The following CNNM4 variants were observed in gnomAD, a reference collection of about 807,000 sequenced individuals.
CNNM4 encodes the protein metal transporter CNNM4.
In CNNM4, 32 loss-of-function variants were observed where a neutral mutation model predicts 53.7. The ratio of observed to expected loss-of-function variants is 0.60; its 90% confidence interval spans 0.45 to 0.80. CNNM4 has a LOEUF of 0.80. Among genes scored for constraint, CNNM4 ranks in the 30% least tolerant of loss-of-function variants. The pLI is 0.00. For missense variants in CNNM4, 784 were observed against 1,022.0 expected (o/e 0.77, Z 3.17); for synonymous variants, 410 against 440.0 (o/e 0.93, Z 0.85).
intron 6 of CNNM4, 188 bp from the exon 7 acceptor site, chr2:96,809,132 G>C (rs1008424784): frequency 4.1e-5 from 54 of 1,321,120 alleles, no homozygotes; most frequent in African/African-American, 5.8e-5. Flanking sequence ...GTGAGCCACT[G>C]TGCCCAGCCC....
intron 1 of CNNM4, among the ~76,000 whole-genome samples, chr2:96,794,143 C>G (rs1223828994): frequency 6.6e-6 from 1 of 152,132 alleles, no homozygotes; most frequent in Non-Finnish European, 1.5e-5. Flanking sequence ...TGTCAAAGAA[C>G]ACACCCCCAT....
Position 96,761,254 on chromosome 2 carries a change from C to T in CNNM4, c.255C>T (p.Asn85=). The T allele has an allele frequency of 3.1e-6, 5 of 1,614,160 alleles. No individual in the cohort carries two copies. Among genetic ancestry groups the T allele is most frequent in the Non-Finnish European group, 4.2e-6 (5 of 1,180,030 alleles). The change falls in exon 1 of 7, where the codon AAC becomes AAT. Residue 85 remains asparagine (N), a synonymous_variant. Transcript: ENST00000377075. The surrounding 1 kb of genome is among the most constrained non-coding windows in gnomAD (Gnocchi z 6.0). ...GGCTGTACGGCTACAGCCTGGGCAA[C>T]ATCTCCAGCAACCTGATCTCCTTCA... ...NLRLYGYSLG[N]ISSNLISFTE... is the part of the protein sequence containing the mutation.
intron 1 of CNNM4, among the ~76,000 whole-genome samples, chr2:96,785,840 G>A (rs1273922973): frequency 6.6e-6 from 1 of 150,990 alleles, no homozygotes. Flanking sequence ...AGTGGCTCAC[G>A]CACTTTGGGA....
At chr2:96,795,008 TC>T (rs1433055134) in intron 1 of CNNM4, among the ~76,000 whole-genome samples, 1 of 152,252 alleles carries the variant, frequency 6.6e-6, no homozygotes, top group African/African-American at 2.4e-5. Flanking sequence ...ATTTTGTAGT[TC>T]AGATTTTCAG....
At chr2:96,792,211 A>C (rs559466246) in intron 1 of CNNM4, among the ~76,000 whole-genome samples, 1 of 147,680 alleles carries the variant, frequency 6.8e-6, no homozygotes, top group African/African-American at 2.5e-5. Flanking sequence ...ACGCCACTGC[A>C]CTCCAGCCTG....
chr2:96,776,524 T>C (rs2078925919), intron 1 of CNNM4, among the ~76,000 whole-genome samples: 1 of 152,210 alleles, frequency 6.6e-6, no homozygotes, highest in South Asian at 2.1e-4. Flanking sequence ...AATTGACTAA[T>C]GTTAACCATT....
chr2:96,776,655 C>G (rs927485090), intron 1 of CNNM4, among the ~76,000 whole-genome samples: 6 of 152,138 alleles, frequency 3.9e-5, no homozygotes, highest in Non-Finnish European at 5.9e-5. Flanking sequence ...GCTCTCTCGC[C>G]CAGCCTGGAG....
At chr2:96,766,082 CCTTTTTTTTTTTCTTTT>C (rs2078816444) in intron 1 of CNNM4, among the ~76,000 whole-genome samples, 1 of 143,450 alleles carries the variant, frequency 7.0e-6, no homozygotes, top group Non-Finnish European at 1.5e-5. Context: ...CCACACCTGG[CCTTTTTTTTTTTCTTTT>C]CTTTTTTTTT....
chr2:96,805,467 A>G (rs1291013404), intron 5 of CNNM4, among the ~76,000 whole-genome samples: 1 of 24,194 alleles, frequency 4.1e-5, no homozygotes, highest in Middle Eastern at 0.024. Context: ...TTATTTTTTT[A>G]TTGATAATTC....
chr2:96,807,987 C>G (rs1170408586), intron 5 of CNNM4, among the ~76,000 whole-genome samples: 1 of 152,044 alleles, frequency 6.6e-6, no homozygotes, highest in Non-Finnish European at 1.5e-5. Context: ...CTCCCAGGTT[C>G]AAGCGATTCT....
chr2:96,775,849 C>T (rs2078919493), intron 1 of CNNM4, among the ~76,000 whole-genome samples: 1 of 152,274 alleles, frequency 6.6e-6, no homozygotes, highest in Non-Finnish European at 1.5e-5. Context: ...CCTCAGCCTC[C>T]CAAGTAGCTG....
At position 96,808,526 on chromosome 2, in the gene CNNM4, G is replaced by A; in HGVS notation, c.1949-35G>A. On this transcript the variant is annotated intron_variant, in intron 5 of 6. Coordinates refer to ENST00000377075, the MANE Select transcript of CNNM4 (RefSeq NM_020184.4). This position sits in a 1 kb window ranked among gnomAD's most constrained non-coding sequence, Gnocchi z 4.9. ...TGAGGGTGAGAGTGGGCATCGGAGT[G>A]GCCTTTGGCATGACAACCTCTGCTC... 5.0e-6 allele frequency: 8 copies of A among 1,612,266 alleles called. No homozygotes were observed. The highest frequency in any genetic ancestry group is 6.8e-6 in the Non-Finnish European group (8 of 1,178,592).
At position 96,811,375 on chromosome 2, in the gene CNNM4, T is replaced by C. The variant is rs1451704401; in HGVS notation, c.*1858T>C. On this transcript the variant is annotated 3_prime_UTR_variant, in exon 7 of 7. Coordinates refer to ENST00000377075, the MANE Select transcript of CNNM4 (RefSeq NM_020184.4). The stretch of plus-strand genomic sequence containing the variant: ...TGACTGCCAGGTAGAGCAAAAGACA[T>C]TGGTGGGGGTATGTGAAGCAAAAGG... The C allele has an allele frequency of 6.6e-6, 1 of 152,288 alleles. No individual in the cohort carries two copies. The highest frequency in any genetic ancestry group is 1.5e-5 in the Non-Finnish European group (1 of 68,094). The allele number at this position is 152,288 out of a possible 1,614,324, so 9.4% of individuals were successfully genotyped here.
intron 1 of CNNM4, among the ~76,000 whole-genome samples, chr2:96,773,775 G>A (rs909388930): frequency 5.9e-5 from 9 of 151,304 alleles, no homozygotes; most frequent in Non-Finnish European, 1.3e-4. Flanking sequence ...CCCAGGAGGT[G>A]GAGGTTGCAG....
chr2:96,788,894 G>A (rs968621166), intron 1 of CNNM4: 3 of 152,322 alleles, frequency 2.0e-5, no homozygotes, highest in African/African-American at 7.2e-5. Flanking sequence ...AGCTGGAGCT[G>A]GTGAGTAGGG....
chr2:96,765,900 C>CA (rs1456813022), intron 1 of CNNM4, among the ~76,000 whole-genome samples: 27 of 148,746 alleles, frequency 1.8e-4, no homozygotes, highest in Admixed American at 1.7e-3. Flanking sequence ...TCTCCTGTCT[C>CA]AGCCTCCCGA....
At chr2:96,784,796 T>G (rs913692584) in intron 1 of CNNM4, among the ~76,000 whole-genome samples, 2 of 152,314 alleles carry the variant, frequency 1.3e-5, no homozygotes, top group South Asian at 4.1e-4. Context: ...CCTGGGAACA[T>G]GGTCACCCAG....
chr2:96,767,074 G>A (rs1007973142), intron 1 of CNNM4, among the ~76,000 whole-genome samples: 10 of 152,154 alleles, frequency 6.6e-5, no homozygotes, highest in Non-Finnish European at 1.2e-4. Flanking sequence ...TCCCTCATTA[G>A]ATGAGTCATG....
At chr2:96,769,026 C>T (rs572750662) in intron 1 of CNNM4, among the ~76,000 whole-genome samples, 2 of 151,970 alleles carry the variant, frequency 1.3e-5, no homozygotes, top group South Asian at 2.1e-4. Context: ...CCGAGGCGGG[C>T]GGATCATGAG....
Sources: gnomAD v4.1 joint callset for allele counts (sites outside exome capture counted in the v4.1 genomes callset) on GRCh38, gnomAD v4.1.1 for gene constraint, Gnocchi (gnomAD v3.1) non-coding constraint, MANE v1.5 for transcripts, NCBI Gene and HGNC (gene_info 2026-07-23, HGNC 2026-07-21) for gene names.